The following ST18 variants were observed in gnomAD, a reference collection of about 807,000 sequenced individuals.
ST18 encodes the protein suppression of tumorigenicity 18 protein.
In ST18, 50 loss-of-function variants were observed where a neutral mutation model predicts 110.0. The ratio of observed to expected loss-of-function variants is 0.45; its 90% CI spans 0.36 to 0.58. The LOEUF (loss-of-function observed/expected upper bound fraction) is 0.58. Ranked by LOEUF, ST18 falls within the 20% of genes least tolerant of loss-of-function variation. ST18 has a pLI of 0.00. For missense variants in ST18, 1,306 were observed against 1,280.1 expected, an observed-to-expected ratio of 1.02 and a Z score of -0.31; for synonymous variants, 461 against 452.4, an observed-to-expected ratio of 1.02 and a Z score of -0.24.
rs140331895 is a variant in ST18 at position 52,332,530 on chromosome 8, CTTT to C, written c.-465+76795_-465+76797del. Among the ~76,000 whole-genome samples the C allele has an allele frequency of 9.1e-3, 454 of 49,796 alleles. 4 individuals are homozygous for C. The highest frequency in any genetic ancestry group is 0.023 in the African/African-American group (356 of 15,260). 32.7% of individuals were successfully genotyped at this position (49,796 alleles called of 152,430 possible). On this transcript the variant is annotated intron_variant, in intron 2 of 25. Coordinates refer to ENST00000689386, the MANE Select transcript of ST18 (RefSeq NM_001352837.2). ...ACTTTCCCAAGAGCATCTAATGTAG[CTTT>C]TTTTTTTTTTTTTTTTTTTTTTTTT... is the stretch of plus-strand genomic sequence containing the variant.
At chr8:52,302,328 GT>G (rs1470994134) in intron 2 of ST18, among the ~76,000 whole-genome samples, 27 of 152,084 alleles carry the variant, frequency 1.8e-4, no homozygotes, top group Non-Finnish European at 3.4e-4. Flanking sequence ...TAGAATCATG[GT>G]TTTCAATAAG....
At chr8:52,192,668 G>C (rs188931070) in intron 8 of ST18, among the ~76,000 whole-genome samples, 22 of 152,242 alleles carry the variant, frequency 1.4e-4, no homozygotes, top group Non-Finnish European at 5.9e-5. Flanking sequence ...TAAATACAAG[G>C]ATCCAAGAAC....
At chr8:52,212,556 C>T (rs1206242980) in intron 7 of ST18, among the ~76,000 whole-genome samples, 1 of 152,126 alleles carries the variant, frequency 6.6e-6, no homozygotes, top group Non-Finnish European at 1.5e-5. Context: ...TAAACTTCCT[C>T]CATATAGAAA....
chr8:52,131,862 CA>C, intron 22 of ST18, 95 bp downstream of exon 22: 2 of 1,147,418 alleles, frequency 1.7e-6, no homozygotes, highest in Non-Finnish European at 2.5e-6. Context: ...CTACAGTGAA[CA>C]ACCTTTAGGG....
intron 2 of ST18, among the ~76,000 whole-genome samples, chr8:52,294,855 A>G (rs1175730115): frequency 6.6e-6 from 1 of 152,226 alleles, no homozygotes; most frequent in Admixed American, 6.5e-5. Context: ...CTCTGGACTC[A>G]TGGCTACTCT....
chr8:52,245,473 C>T (rs542160137), intron 2 of ST18, among the ~76,000 whole-genome samples: 67 of 152,152 alleles, frequency 4.4e-4, no homozygotes, highest in African/African-American at 1.6e-3. Context: ...TACACACTGG[C>T]CTTCTGCCAT....
chr8:52,390,746 G>A (rs142404937), intron 2 of ST18, among the ~76,000 whole-genome samples: 113 of 152,310 alleles, frequency 7.4e-4, no homozygotes, highest in African/African-American at 2.5e-3. Flanking sequence ...CACTGGGCCC[G>A]TGCCACAGCG....
At chr8:52,219,090 G>C (rs911871727) in intron 5 of ST18, among the ~76,000 whole-genome samples, 1 of 152,160 alleles carries the variant, frequency 6.6e-6, no homozygotes, top group Non-Finnish European at 1.5e-5. Flanking sequence ...GAAGAACAAA[G>C]AATCTTACAT....
intron 2 of ST18, among the ~76,000 whole-genome samples, chr8:52,310,866 C>T (rs2095894074): frequency 6.6e-6 from 1 of 151,866 alleles, no homozygotes; most frequent in African/African-American, 2.4e-5. Flanking sequence ...TTCACAAAGG[C>T]CCCAACTGCT....
chr8:52,208,884 T>C (rs2081139557), intron 8 of ST18, among the ~76,000 whole-genome samples: 1 of 152,152 alleles, frequency 6.6e-6, no homozygotes, highest in African/African-American at 2.4e-5. Context: ...TGTCTAAGCA[T>C]GGTCATTCTG....
chr8:52,116,693 A>G (rs12334573), intron 24 of ST18, among the ~76,000 whole-genome samples: 4,886 of 152,286 alleles, frequency 0.032, 267 homozygotes, highest in African/African-American at 0.11. Flanking sequence ...ACATGTTTAA[A>G]GTAAACTTTG....
intron 12 of ST18, among the ~76,000 whole-genome samples, chr8:52,164,535 A>G (rs369780092): frequency 9.0e-4 from 137 of 152,390 alleles, no homozygotes; most frequent in Non-Finnish European, 1.6e-3. Context: ...CATAGTGCTT[A>G]TAAGTCAAAT....
chr8:52,132,632 T>G (rs951670590), intron 21 of ST18, among the ~76,000 whole-genome samples: 1 of 152,246 alleles, frequency 6.6e-6, no homozygotes, highest in Admixed American at 6.5e-5. Context: ...AAATATTGCA[T>G]TTAGAACTGT....
At chr8:52,343,150 A>G (rs1815953980) in intron 2 of ST18, among the ~76,000 whole-genome samples, 1 of 152,080 alleles carries the variant, frequency 6.6e-6, no homozygotes, top group Admixed American at 6.6e-5. Flanking sequence ...GCTCAGAAAG[A>G]GCTTTCAAGG....
intron 2 of ST18, chr8:52,409,069 T>TCGGCAGATC (rs1845525044): frequency 1.3e-5 from 2 of 152,260 alleles, no homozygotes; most frequent in African/African-American, 4.8e-5. Flanking sequence ...CCGAGTATCA[T>TCGGCAGATC]ACTCAGTCAG....
chr8:52,195,667 G>A (rs530614056), intron 8 of ST18, among the ~76,000 whole-genome samples: 8 of 152,174 alleles, frequency 5.3e-5, no homozygotes, highest in African/African-American at 7.2e-5. Context: ...GATTGTATCT[G>A]CTAAAAAATA....
rs1361244097 is a variant in ST18 at position 52,409,398 on chromosome 8, T to C, written c.-535A>G. 2.0e-5 allele frequency: 3 copies of C among 152,264 alleles called. No individual in the cohort carries two copies. The highest frequency in any genetic ancestry group is 6.5e-5 in the Admixed American group (1 of 15,288). The allele number at this position is 152,264 out of a possible 1,614,324, so 9.4% of individuals were successfully genotyped here. ...CTGGATGTGTTCCAAAATGCTCTTA[T>C]GCTATTTCTCTTAGGATTTCTCCAC... On this transcript the variant is annotated 5_prime_UTR_variant, in exon 2 of 26. Transcript: ENST00000689386.
At chr8:52,312,559 G>T (rs565058619) in intron 2 of ST18, among the ~76,000 whole-genome samples, 1 of 152,304 alleles carries the variant, frequency 6.6e-6, no homozygotes, top group East Asian at 1.9e-4. Context: ...AAACCAGATG[G>T]ATCCTAGAAG....
intron 9 of ST18, among the ~76,000 whole-genome samples, chr8:52,179,877 G>A (rs756082544): frequency 4.5e-4 from 69 of 152,168 alleles, no homozygotes; most frequent in African/African-American, 1.5e-3. Context: ...TAGTTCAATC[G>A]TCTGCTTTTG....
Sources: allele counts gnomAD v4.1 joint callset (sites outside exome capture counted in the v4.1 genomes callset), GRCh38; gene constraint gnomAD v4.1.1; transcripts MANE v1.5; gene names NCBI Gene and HGNC (gene_info 2026-07-23, HGNC 2026-07-21).